The following CDK13 variants were observed in gnomAD, a reference collection of about 807,000 sequenced individuals.
CDK13 encodes the protein cyclin dependent kinase 13, also known as cyclin-dependent kinase 13.
A neutral mutation model predicts 137.6 loss-of-function variants in CDK13; 40 were observed. The ratio of observed to expected loss-of-function variants is 0.29; its 90% CI spans 0.23 to 0.38. The LOEUF (loss-of-function observed/expected upper bound fraction) is 0.38, where lower values mean the gene tolerates loss of function less well. Ranked by LOEUF, CDK13 falls within the 10% of genes least tolerant of loss-of-function variation. The probability of loss-of-function intolerance (pLI) is 1.00; values close to 1 mark genes in which losing one functional copy is unlikely to be tolerated. For missense variants in CDK13, 1,704 were observed against 1,951.8 expected (o/e 0.87, Z 2.39); for synonymous variants, 869 against 760.1 (o/e 1.14, Z -2.36).
chr7:40,077,114 G>C (rs971814562), intron 9 of CDK13, among the ~76,000 whole-genome samples: 1 of 152,120 alleles, frequency 6.6e-6, no homozygotes, highest in African/African-American at 2.4e-5. Context: ...ACAGATAAAC[G>C]AGAGTAAAGC....
intron 7 of CDK13, among the ~76,000 whole-genome samples, chr7:40,058,167 A>G (rs1222507024): frequency 1.3e-5 from 2 of 152,188 alleles, no homozygotes; most frequent in Non-Finnish European, 2.9e-5. Flanking sequence ...GAACATTCCA[A>G]GTACAAAGGA....
At chr7:40,007,519 C>T (rs1268442956) in intron 5 of CDK13, among the ~76,000 whole-genome samples, 1 of 152,158 alleles carries the variant, frequency 6.6e-6, no homozygotes, top group South Asian at 2.1e-4. Context: ...CTCTGCCTCC[C>T]GGGTTCAAGT....
intron 9 of CDK13, chr7:40,070,237 C>G (rs1011837586): frequency 6.6e-6 from 1 of 151,142 alleles, no homozygotes; most frequent in African/African-American, 2.4e-5. Flanking sequence ...GACACTCCAT[C>G]TCAAAAATAA....
Position 39,950,640 on chromosome 7 carries a change from C to CT in CDK13, c.-2_-1insT. 7.6e-7 allele frequency: 1 copy of CT among 1,323,418 alleles called. No homozygotes were observed. The highest frequency in any genetic ancestry group is 9.6e-7 in the Non-Finnish European group (1 of 1,038,862). 82.0% of individuals were successfully genotyped at this position (1,323,418 alleles called of 1,614,324 possible). ...GCCGCGCTCTGCGGCTGGCTCTAGG[C>CT]GATGCCGAGCAGCTCGGACACGGCG... is the stretch of plus-strand genomic sequence containing the variant. On this transcript the variant is annotated 5_prime_UTR_variant, in exon 1 of 14. Coordinates refer to ENST00000181839, the MANE Select transcript of CDK13 (RefSeq NM_003718.5).
At chr7:39,990,701 C>A (rs1288811562) in intron 2 of CDK13, among the ~76,000 whole-genome samples, 1 of 152,146 alleles carries the variant, frequency 6.6e-6, no homozygotes, top group African/African-American at 2.4e-5. Context: ...TCTTACTACT[C>A]TCATGAGTTA....
At chr7:40,091,758 G>C (rs868090576) in intron 12 of CDK13, among the ~76,000 whole-genome samples, 18 of 152,110 alleles carry the variant, frequency 1.2e-4, no homozygotes, top group African/African-American at 4.1e-4. Flanking sequence ...ATCATAAGAA[G>C]AACTTGCAGA....
intron 1 of CDK13, among the ~76,000 whole-genome samples, chr7:39,957,309 C>CTAG (rs772284757): frequency 0.27 from 40,433 of 151,548 alleles, 6,486 homozygotes; most frequent in Middle Eastern, 0.44. Flanking sequence ...AGTTTTTTTT[C>CTAG]CTGTGCCCCC....
intron 7 of CDK13, among the ~76,000 whole-genome samples, chr7:40,056,239 AT>A (rs1189656906): frequency 6.6e-6 from 1 of 152,186 alleles, no homozygotes; most frequent in African/African-American, 2.4e-5. Flanking sequence ...GGTACCTATT[AT>A]GCAAAATTTT....
chr7:39,990,005 C>G (rs1784425561), intron 2 of CDK13, among the ~76,000 whole-genome samples: 1 of 152,054 alleles, frequency 6.6e-6, no homozygotes, highest in Non-Finnish European at 1.5e-5. Context: ...AGGATGGTCT[C>G]GATCTCCTGA....
chr7:40,062,783 C>G (rs200354856), intron 7 of CDK13, 43 bp from the exon 8 acceptor site: 1 of 1,357,804 alleles, frequency 7.4e-7, no homozygotes, highest in East Asian at 2.3e-5. Context: ...CTGTCTTACT[C>G]CAACAAATAC....
intron 5 of CDK13, among the ~76,000 whole-genome samples, chr7:40,005,173 T>TC (rs1250586774): frequency 1.8e-5 from 1 of 56,404 alleles, no homozygotes; most frequent in Non-Finnish European, 3.9e-5. Flanking sequence ...GACTCTTGTC[T>TC]CAAAAAAAAA....
chr7:40,093,987 AC>A (rs1786985582), intron 13 of CDK13, 142 bp from the exon 14 acceptor site: 2 of 891,720 alleles, frequency 2.2e-6, no homozygotes, highest in Non-Finnish European at 3.3e-6. Flanking sequence ...GTACTTGTAA[AC>A]TTTTTGCTTT....
rs144524717 is a variant in CDK13 at position 40,009,390 on chromosome 7, T to C, written c.2353+7359T>C. Among the ~76,000 whole-genome samples the C allele has an allele frequency of 2.1e-3, 321 of 152,366 alleles. 2 individuals are homozygous for C. Among genetic ancestry groups the C allele is most frequent in the Middle Eastern group, 3.4e-3 (1 of 294 alleles). ...ATATTCTAGCAGGTACCTGCCACTA[T>C]TCATATGCCTTTAGTTAAAGCAGAG... is the stretch of plus-strand genomic sequence containing the variant. On this transcript the variant is annotated intron_variant, in intron 5 of 13. Transcript: ENST00000181839.
At chr7:39,977,886 G>A (rs1479457963) in intron 1 of CDK13, among the ~76,000 whole-genome samples, 1 of 152,130 alleles carries the variant, frequency 6.6e-6, no homozygotes, top group African/African-American at 2.4e-5. Flanking sequence ...TAGAATTGGT[G>A]GAGCTTGGAA....
intron 5 of CDK13, among the ~76,000 whole-genome samples, chr7:40,026,792 A>G (rs373743565): frequency 1.5e-3 from 235 of 152,342 alleles, no homozygotes; most frequent in African/African-American, 5.6e-3. Context: ...AAATTGGGAA[A>G]TAATCCGAAT....
At chr7:40,089,761 G>T (rs1169488162) in intron 12 of CDK13, among the ~76,000 whole-genome samples, 1 of 149,682 alleles carries the variant, frequency 6.7e-6, no homozygotes, top group African/African-American at 2.5e-5. Flanking sequence ...TGTGTAGGTG[G>T]TGGCTTATTA....
intron 1 of CDK13, among the ~76,000 whole-genome samples, chr7:39,953,575 A>G (rs896299042): frequency 1.6e-4 from 25 of 152,172 alleles, no homozygotes; most frequent in African/African-American, 5.6e-4. Context: ...AGGACTATTC[A>G]TATTTAGCAA....
At position 39,951,454 on chromosome 7, in the gene CDK13, C is replaced by A. The variant is rs1583893444; in HGVS notation, c.813C>A (p.Arg271=). The A allele has an allele frequency of 6.5e-7, 1 of 1,538,812 alleles. No homozygotes were observed. Among genetic ancestry groups the A allele is most frequent in the Non-Finnish European group, 8.7e-7 (1 of 1,143,410 alleles). Residue 271 remains arginine (R), a synonymous_variant, in exon 1 of 14, where the codon CGC becomes CGA. Transcript: ENST00000181839. ...CCACATCCAGCAGCAGTAGCAGCCG[C>A]AAGGACCGGGACTCGAAGGCCCACC... The part of the protein sequence containing the change: ...ASATSSSSSS[R]KDRDSKAHRS...
At position 39,951,028 on chromosome 7, in the gene CDK13, C is replaced by T. The variant is rs1787154769; in HGVS notation, c.387C>T (p.Asp129=). The T allele has an allele frequency of 3.9e-6, 5 of 1,294,860 alleles. No homozygotes were observed. The highest frequency in any genetic ancestry group is 1.5e-5 in the African/African-American group (1 of 64,662). 80.2% of individuals were successfully genotyped at this position (1,294,860 alleles called of 1,614,324 possible). A position where few individuals can be genotyped will look rare whatever the true frequency, so the allele number is the denominator to read the frequency against. The change falls in exon 1 of 14, where the codon GAC becomes GAT. Residue 129 remains aspartate (D), a synonymous_variant. Coordinates refer to ENST00000181839, the MANE Select transcript of CDK13 (RefSeq NM_003718.5). ...RVFSLPQPQQ[D]GGGGASSGGG... ...TCTCGCTGCCCCAGCCGCAGCAGGACGGCGGTGGCGGTGCTAGTAGCGGCG... is the reference window on the plus strand; with the variant it reads ...TCTCGCTGCCCCAGCCGCAGCAGGATGGCGGTGGCGGTGCTAGTAGCGGCG...
Sources: allele counts gnomAD v4.1 joint callset (sites outside exome capture counted in the v4.1 genomes callset), GRCh38; gene constraint gnomAD v4.1.1; transcripts MANE v1.5; gene names NCBI Gene and HGNC (gene_info 2026-07-23, HGNC 2026-07-21).